Variants in SAMHD1 observed in about 807,000 individuals in gnomAD.
The protein encoded by SAMHD1 is SAM and HD domain containing deoxynucleoside triphosphate triphosphohydrolase 1, also known as deoxynucleoside triphosphate triphosphohydrolase SAMHD1.
Under a neutral mutation model 79.6 loss-of-function variants are expected in SAMHD1, and 54 were observed. That is an observed-to-expected ratio of 0.68 (90% CI 0.55 to 0.85). SAMHD1 has a LOEUF of 0.85. Ranked by LOEUF, SAMHD1 falls within the 40% of genes least tolerant of loss-of-function variation. SAMHD1 has a pLI of 0.00. For missense variants in SAMHD1, 663 were observed against 782.7 expected (o/e 0.85, Z 1.82); for synonymous variants, 260 against 264.1 (o/e 0.98, Z 0.15).
chr20:36,936,480 C>T (rs2063604335), intron 3 of SAMHD1, among the ~76,000 whole-genome samples: 1 of 151,698 alleles, frequency 6.6e-6, no homozygotes, highest in African/African-American at 2.4e-5. Context: ...ACCACCATTC[C>T]TAGCTAATTT....
intron 2 of SAMHD1, among the ~76,000 whole-genome samples, chr20:36,944,077 C>CAAAAAAAAAAAA (rs542947370): frequency 1.3e-4 from 12 of 89,994 alleles, no homozygotes; most frequent in African/African-American, 4.5e-4. Context: ...GACTCCATCT[C>CAAAAAAAAAAAA]AAAAAAAAAA....
chr20:36,935,426 A>T, intron 3 of SAMHD1: 1 of 530,238 alleles, frequency 1.9e-6, no homozygotes, highest in Non-Finnish European at 3.4e-6. Context: ...AATAACAGAA[A>T]AATAAGGATT....
intron 2 of SAMHD1, among the ~76,000 whole-genome samples, chr20:36,943,076 T>C (rs1341672173): frequency 1.3e-5 from 2 of 152,136 alleles, no homozygotes; most frequent in African/African-American, 4.8e-5. Flanking sequence ...GATAAGAGCT[T>C]GCAAGTAATT....
chr20:36,949,221 G>C (rs1299641748), intron 1 of SAMHD1, among the ~76,000 whole-genome samples: 1 of 151,650 alleles, frequency 6.6e-6, no homozygotes, highest in Non-Finnish European at 1.5e-5. Flanking sequence ...CTGAGATTGT[G>C]CCGGTGCACT....
At chr20:36,893,879 T>C in intron 15 of SAMHD1, 1 of 398,678 alleles carries the variant, frequency 2.5e-6, no homozygotes, top group Non-Finnish European at 4.4e-6. Flanking sequence ...TCAGCTCCCA[T>C]GCCTGTTGGT....
At position 36,941,105 on chromosome 20, in the gene SAMHD1, C is replaced by T; in HGVS notation, c.282G>A (p.Leu94=). 6.2e-7 allele frequency: 1 copy of T among 1,610,538 alleles called. No individual in the cohort carries two copies. Among genetic ancestry groups the T allele is most frequent in the Non-Finnish European group, 8.5e-7 (1 of 1,177,002 alleles). Residue 94 remains leucine (L), a synonymous_variant, in exon 3 of 16, where the codon TTG becomes TTA. Coordinates refer to ENST00000646673, the MANE Select transcript of SAMHD1 (RefSeq NM_015474.4). ...SRFENLGVSS[L]GERKKLLSYI... is the part of the protein sequence containing the mutation. ...AACTAAGCAGCTTCTTCCTCTCCCC[C>T]AAGGAACTAAAATTACAATAGGATA...
At chr20:36,934,962 A>G (rs2063593727) in intron 4 of SAMHD1, 67 bp downstream of exon 4, 4 of 1,534,792 alleles carry the variant, frequency 2.6e-6, no homozygotes, top group Middle Eastern at 1.7e-4. Context: ...CTGGCCTAAG[A>G]TAACTATTTC....
chr20:36,911,782 T>C (rs548500219), intron 10 of SAMHD1: 2 of 176,844 alleles, frequency 1.1e-5, no homozygotes, highest in Admixed American at 5.5e-5. Context: ...TGACAAAGGA[T>C]AGGTAAAAAA....
intron 3 of SAMHD1, chr20:36,940,827 C>A: frequency 1.7e-6 from 1 of 592,162 alleles, no homozygotes. Flanking sequence ...TCTACTTATG[C>A]TTTTCTGTAT....
At chr20:36,916,688 C>A in intron 9 of SAMHD1, 34 bp downstream of exon 9, 1 of 1,441,760 alleles carries the variant, frequency 6.9e-7, no homozygotes, top group African/African-American at 1.4e-5. Context: ...CCAGGAACAA[C>A]ATTCTTCTTA....
intron 13 of SAMHD1, chr20:36,903,885 A>T (rs1346554473): frequency 6.4e-6 from 2 of 314,346 alleles, no homozygotes; most frequent in Non-Finnish European, 1.2e-5. Flanking sequence ...TATGCAGGCA[A>T]TAAAAAAAAT....
intron 1 of SAMHD1, among the ~76,000 whole-genome samples, chr20:36,949,688 T>TA (rs1169549306): frequency 6.9e-6 from 1 of 144,300 alleles, no homozygotes; most frequent in East Asian, 2.0e-4. Context: ...ACCAGGCAGT[T>TA]AGAGGTTGCA....
rs1399762269 is a variant in SAMHD1 at position 36,911,097 on chromosome 20, A to G, written c.1270+121T>C. 1.4e-5 allele frequency: 9 copies of G among 637,318 alleles called. No individual in the cohort carries two copies. The Admixed American group carries it at 1.9e-4, about 14-fold the overall frequency. The allele number at this position is 637,318 out of a possible 1,614,324, so 39.5% of individuals were successfully genotyped here. On this transcript the variant is annotated intron_variant, in intron 11 of 15. Coordinates refer to ENST00000646673, the MANE Select transcript of SAMHD1 (RefSeq NM_015474.4). ...AGTGAGACCCTTTCTTTATTTTTTT[A>G]AAATTAAATAATTATCTTTAAAAAT...
chr20:36,912,760 T>A (rs1486896122), intron 9 of SAMHD1, among the ~76,000 whole-genome samples: 1 of 144,556 alleles, frequency 6.9e-6, no homozygotes, highest in Admixed American at 6.9e-5. Context: ...CATTTTTTTT[T>A]TTTTTTTTTT....
At chr20:36,910,972 C>T (rs553566113) in intron 11 of SAMHD1, among the ~76,000 whole-genome samples, 2 of 152,158 alleles carry the variant, frequency 1.3e-5, no homozygotes, top group East Asian at 1.9e-4. Flanking sequence ...ATCGTTCCAT[C>T]GGCTGTGTAC....
chr20:36,934,829 T>C, intron 4 of SAMHD1, 200 bp downstream of exon 4: 1 of 507,074 alleles, frequency 2.0e-6, no homozygotes, highest in South Asian at 1.9e-5. Flanking sequence ...TGGCTAATTT[T>C]GTATTTGTAG....
At chr20:36,951,310 C>T in intron 1 of SAMHD1, 126 bp downstream of exon 1, 3 of 1,369,852 alleles carry the variant, frequency 2.2e-6, no homozygotes, top group Non-Finnish European at 3.0e-6. Flanking sequence ...TCCGCCCTCC[C>T]GGGTGCCTCC....
chr20:36,893,989 G>A lies in SAMHD1; in HGVS notation c.1747-923C>T, dbSNP rs140706805. 6.3e-4 allele frequency: 251 copies of A among 398,498 alleles called. 1 individual carries two copies. Among genetic ancestry groups the A allele is most frequent in the African/African-American group, 4.4e-3 (213 of 48,726 alleles). The allele number at this position is 398,498 out of a possible 1,614,324, so 24.7% of individuals were successfully genotyped here. A position where few individuals can be genotyped will look rare whatever the true frequency, so the allele number is the denominator to read the frequency against. The stretch of plus-strand genomic sequence containing the variant: ...TTTCTCTCCCTACCTCCTCTGGCAC[G>A]AGCGGCAGTGGCAGTGACTATTCTG... On this transcript the variant is annotated intron_variant, in intron 15 of 15. Transcript: ENST00000646673.
At chr20:36,927,537 G>A (rs1026896644) in intron 5 of SAMHD1, among the ~76,000 whole-genome samples, 5 of 151,914 alleles carry the variant, frequency 3.3e-5, no homozygotes, top group South Asian at 2.1e-4. Context: ...GGCTGGTCTC[G>A]AACTCCCGAC....
Sources: allele counts gnomAD v4.1 joint callset (sites outside exome capture counted in the v4.1 genomes callset), GRCh38; gene constraint gnomAD v4.1.1; transcripts MANE v1.5; gene names NCBI Gene and HGNC (gene_info 2026-07-23, HGNC 2026-07-21).